Variants in RIPOR3 observed in about 807,000 individuals in gnomAD.
The protein encoded by RIPOR3 is RIPOR family member 3, also known as family with sequence similarity 65 member C.
RIPOR3 carries 95 observed loss-of-function variants against 114.3 expected under a neutral mutation model. The ratio of observed to expected loss-of-function variants is 0.83; its 90% CI spans 0.70 to 0.99. The LOEUF (loss-of-function observed/expected upper bound fraction) is 0.99. Among genes scored for constraint, RIPOR3 ranks in the 50% least tolerant of loss-of-function variants. The probability of loss-of-function intolerance (pLI) is 0.00; values close to 1 mark genes in which losing one functional copy is unlikely to be tolerated. For missense variants in RIPOR3, 1,252 were observed against 1,266.9 expected, an observed-to-expected ratio of 0.99 and a Z score of 0.18; for synonymous variants, 575 against 543.8, an observed-to-expected ratio of 1.06 and a Z score of -0.80.
At chr20:50,626,067 C>T (rs1361616954) in intron 2 of RIPOR3, among the ~76,000 whole-genome samples, 3 of 152,244 alleles carry the variant, frequency 2.0e-5, no homozygotes, top group Non-Finnish European at 4.4e-5. Flanking sequence ...GGTTGTTTGC[C>T]TTGACAGTGC....
chr20:50,672,817 G>A (rs941213941), intron 1 of RIPOR3, among the ~76,000 whole-genome samples: 1 of 152,224 alleles, frequency 6.6e-6, no homozygotes, highest in Non-Finnish European at 1.5e-5. Context: ...GCCCATAGAG[G>A]CGCACACCTG....
At chr20:50,651,441 G>A (rs1274845860) in intron 1 of RIPOR3, among the ~76,000 whole-genome samples, 1 of 152,186 alleles carries the variant, frequency 6.6e-6, no homozygotes, top group Non-Finnish European at 1.5e-5. Context: ...AAGCTGCTGG[G>A]TCTGGGATCA....
In RIPOR3 at chr20:50,604,860, G is replaced by T. The variant is rs2083647957; in HGVS notation, c.957-86C>A. The T allele has an allele frequency of 2.7e-6, 4 of 1,504,166 alleles. No individual in the cohort carries two copies. In the African/African-American group the frequency reaches 4.3e-5, roughly 16 times the overall value. The allele number at this position is 1,504,166 out of a possible 1,614,324, so 93.2% of individuals were successfully genotyped here. A position where few individuals can be genotyped will look rare whatever the true frequency, so the allele number is the denominator to read the frequency against. On this transcript the variant is annotated intron_variant, in intron 11 of 21. Coordinates refer to ENST00000327979, the MANE Select transcript of RIPOR3 (RefSeq NM_001290268.2). ...ACGGCCCACAGGGCTCTTAGGTTATGCAGGTAGATGGTCTTCATCTTACAA... is the reference window on the plus strand; with the variant it reads ...ACGGCCCACAGGGCTCTTAGGTTATTCAGGTAGATGGTCTTCATCTTACAA...
chr20:50,601,965 G>C (rs2122979886), intron 13 of RIPOR3, 107 bp downstream of exon 13: 1 of 1,137,872 alleles, frequency 8.8e-7, no homozygotes, highest in South Asian at 1.7e-5. Context: ...GTCACGCAGA[G>C]GTGAGGCCAG....
rs769161590 is a variant in RIPOR3 at position 50,589,674 on chromosome 20, C to T, written c.2661+12G>A. On this transcript the variant is annotated intron_variant, in intron 20 of 21. Transcript: ENST00000327979. ...TTTCTATCAGCCACTAATGGGGAAA[C>T]GTCAGGCTCACCTTGAGGTGTTTGA... 24 of 1,612,970 alleles carry T rather than the reference C, an allele frequency of 1.5e-5. No homozygotes were observed. The highest frequency in any genetic ancestry group is 1.6e-4 in the Middle Eastern group (1 of 6,080).
At chr20:50,610,738 C>T in intron 6 of RIPOR3, 115 bp downstream of exon 6, 3 of 1,405,638 alleles carry the variant, frequency 2.1e-6, no homozygotes, top group Non-Finnish European at 2.0e-6. Context: ...TGCCCCATAC[C>T]CAGAGGCCCT....
At position 50,612,602 on chromosome 20, in the gene RIPOR3, A is replaced by G. The variant is rs530294294; in HGVS notation, c.349-1398T>C. The stretch of plus-strand genomic sequence containing the variant: ...AGACAATTTTAACTCACAATTGCTA[A>G]ACACATTTACATGATTATGTGACCA... On this transcript the variant is annotated intron_variant, in intron 4 of 21. Transcript: ENST00000327979. 2.0e-5 allele frequency among the ~76,000 whole-genome samples: 3 copies of G among 152,316 alleles called. No individual in the cohort carries two copies. In the East Asian group the frequency reaches 5.8e-4, roughly 29 times the overall value.
At chr20:50,661,317 C>T (rs2085989188) in intron 1 of RIPOR3, among the ~76,000 whole-genome samples, 1 of 152,078 alleles carries the variant, frequency 6.6e-6, no homozygotes, top group South Asian at 2.1e-4. Context: ...TTAAGCAATC[C>T]TCCTGTCTTT....
chr20:50,672,145 G>A (rs973321845), intron 1 of RIPOR3, among the ~76,000 whole-genome samples: 1 of 152,126 alleles, frequency 6.6e-6, no homozygotes, highest in African/African-American at 2.4e-5. Context: ...AAGTCCCGAT[G>A]GGGCTGTGAA....
At position 50,593,022 on chromosome 20, in the gene RIPOR3, A is replaced by C; in HGVS notation, c.2374+13T>G. On this transcript the variant is annotated intron_variant, in intron 18 of 21. Transcript: ENST00000327979. ...TATTCCTCTGCTATGACAGCCACCCACCCCAGTCTTACCTTCCTTGGTGAG... is the reference window on the plus strand; with the variant it reads ...TATTCCTCTGCTATGACAGCCACCCCCCCCAGTCTTACCTTCCTTGGTGAG... 1 of 1,613,314 alleles carries C rather than the reference A, an allele frequency of 6.2e-7. No individual in the cohort carries two copies. The highest frequency in any genetic ancestry group is 8.5e-7 in the Non-Finnish European group (1 of 1,179,778).
chr20:50,677,673 T>A (rs1476060588), intron 1 of RIPOR3, among the ~76,000 whole-genome samples: 2 of 144,362 alleles, frequency 1.4e-5, no homozygotes, highest in African/African-American at 2.5e-5. Context: ...CGCCTGGCCT[T>A]TTTTTTTTTT....
chr20:50,669,059 CACAT>C (rs1400527912), intron 1 of RIPOR3, among the ~76,000 whole-genome samples: 3 of 152,116 alleles, frequency 2.0e-5, no homozygotes, highest in African/African-American at 7.2e-5. Context: ...CATGCACACT[CACAT>C]ATACATTATA....
At position 50,587,802 on chromosome 20, in the gene RIPOR3, CGA is replaced by C; in HGVS notation, c.2750_2751del (p.Phe917TrpfsTer2). 6.2e-7 allele frequency: 1 copy of C among 1,614,160 alleles called. No individual in the cohort carries two copies. The highest frequency in any genetic ancestry group is 1.1e-5 in the South Asian group (1 of 91,078). On this transcript the variant is annotated frameshift_variant and splice_region_variant, in exon 21 of 22. Coordinates refer to ENST00000327979, the MANE Select transcript of RIPOR3 (RefSeq NM_001290268.2). LOFTEE classifies it high-confidence loss of function. ...CTGCACAGTTTGTGCCACTTTTTACCGAACGACAGTGTGGTTTCCCGGGCTGC... is the reference window on the plus strand; with the variant it reads ...CTGCACAGTTTGTGCCACTTTTTACCACGACAGTGTGGTTTCCCGGGCTGC... ...RAAARETTLS[F>X]GEKGRLAFEK...
chr20:50,647,478 CTTTT>C (rs942940961), intron 1 of RIPOR3, among the ~76,000 whole-genome samples: 26 of 100,350 alleles, frequency 2.6e-4, no homozygotes, highest in Middle Eastern at 0.012. Flanking sequence ...GCCTCATTCT[CTTTT>C]TTTTTTTTTT....
At chr20:50,658,717 T>C (rs961261768) in intron 1 of RIPOR3, among the ~76,000 whole-genome samples, 4 of 151,872 alleles carry the variant, frequency 2.6e-5, no homozygotes, top group Admixed American at 6.6e-5. Flanking sequence ...AAAAAAAAAA[T>C]TATAATCAAT....
In RIPOR3 at chr20:50,634,775, G is replaced by T. The variant is rs188692939; in HGVS notation, c.4-3919C>A. ...AGGCTGAGCGCAGTGGCTCACACCT[G>T]TAATCCCAGTACTTTGGGAGGCCAA... On this transcript the variant is annotated intron_variant, in intron 1 of 21. Transcript: ENST00000327979. Among the ~76,000 whole-genome samples the T allele has an allele frequency of 6.8e-4, 104 of 152,342 alleles. 3 individuals are homozygous for T. The highest frequency in any genetic ancestry group is 6.7e-3 in the Admixed American group (103 of 15,298).
At chr20:50,671,642 C>T (rs1233116521) in intron 1 of RIPOR3, among the ~76,000 whole-genome samples, 4 of 152,320 alleles carry the variant, frequency 2.6e-5, no homozygotes, top group East Asian at 3.9e-4. Context: ...TGTGTACCCT[C>T]ATCTGAAAAT....
At chr20:50,630,702 C>T (rs776794274) in intron 2 of RIPOR3, 36 bp downstream of exon 2, 1 of 1,541,518 alleles carries the variant, frequency 6.5e-7, no homozygotes, top group Non-Finnish European at 8.8e-7. Flanking sequence ...CAAGCCCCAC[C>T]CCTGCACCCC....
At chr20:50,587,921 T>G (rs1389253513) in intron 20 of RIPOR3, 29 bp from the exon 21 acceptor site, 6 of 1,609,040 alleles carry the variant, frequency 3.7e-6, no homozygotes, top group Non-Finnish European at 5.1e-6. Flanking sequence ...AAAAGAACCC[T>G]TTAGGGGGCC....
Sources: allele counts gnomAD v4.1 joint callset (sites outside exome capture counted in the v4.1 genomes callset), GRCh38; gene constraint gnomAD v4.1.1; transcripts MANE v1.5; gene names NCBI Gene and HGNC (gene_info 2026-07-23, HGNC 2026-07-21).